The following ARHGAP20 variants were observed in gnomAD, a reference collection of about 807,000 sequenced individuals.
The protein encoded by ARHGAP20 is rho GTPase-activating protein 20.
ARHGAP20 carries 34 observed loss-of-function variants against 73.7 expected under a neutral mutation model. The ratio of observed to expected loss-of-function variants is 0.46; its 90% CI spans 0.35 to 0.61. ARHGAP20 has a LOEUF of 0.61. Ranked by LOEUF, ARHGAP20 falls within the 20% of genes least tolerant of loss-of-function variation. ARHGAP20 has a pLI of 0.00. For synonymous variants in ARHGAP20, 523 were observed against 518.2 expected (o/e 1.01, Z -0.13); for missense variants, 1,314 against 1,420.9 (o/e 0.92, Z 1.21).
chr11:110,688,017 A>T (rs1246616532), intron 2 of ARHGAP20, among the ~76,000 whole-genome samples: 1 of 152,220 alleles, frequency 6.6e-6, no homozygotes, highest in Admixed American at 6.5e-5. Context: ...ATTCATTGAA[A>T]TGTATAAAAA....
chr11:110,605,141 A>T (rs912258870), intron 9 of ARHGAP20, among the ~76,000 whole-genome samples: 71 of 152,332 alleles, frequency 4.7e-4, no homozygotes, highest in Middle Eastern at 3.4e-3. Flanking sequence ...GATGATCACG[A>T]TAACCATGGA....
chr11:110,712,418 C>A lies in ARHGAP20; in HGVS notation c.-187G>T, dbSNP rs901270913. 37 of 305,706 alleles carry A rather than the reference C, an allele frequency of 1.2e-4. No individual in the cohort carries two copies. Among genetic ancestry groups the A allele is most frequent in the Admixed American group, 3.2e-4 (6 of 18,576 alleles). 18.9% of individuals were successfully genotyped at this position (305,706 alleles called of 1,614,324 possible). A position where few individuals can be genotyped will look rare whatever the true frequency, so the allele number is the denominator to read the frequency against. On this transcript the variant is annotated 5_prime_UTR_variant, in exon 1 of 15. Coordinates refer to ENST00000683387, the MANE Select transcript of ARHGAP20 (RefSeq NM_001384657.1). ...ATGTACCTCCGCCTGCGCTCGACAC[C>A]GCGGGCTGGAGGCGAGTGCAGCGGC...
intron 2 of ARHGAP20, among the ~76,000 whole-genome samples, chr11:110,658,543 A>T (rs1254974522): frequency 6.6e-6 from 1 of 152,238 alleles, no homozygotes; most frequent in Non-Finnish European, 1.5e-5. Context: ...CCTGACAAGT[A>T]GGAAAAACTA....
chr11:110,712,045 T>C (rs1161271290), intron 1 of ARHGAP20, 82 bp downstream of exon 1: 16 of 1,247,542 alleles, frequency 1.3e-5, no homozygotes, highest in African/African-American at 1.6e-5. Context: ...CCTAGCGCGC[T>C]GCTGTGGCGG....
intron 2 of ARHGAP20, among the ~76,000 whole-genome samples, chr11:110,658,620 C>T (rs1243502999): frequency 6.6e-6 from 1 of 152,112 alleles, no homozygotes; most frequent in East Asian, 1.9e-4. Context: ...TAGGCTAAAA[C>T]ATCATTCTTA....
intron 4 of ARHGAP20, among the ~76,000 whole-genome samples, chr11:110,619,754 T>C (rs1375441851): frequency 6.6e-6 from 1 of 151,892 alleles, no homozygotes. Context: ...TGATAGAGTA[T>C]ATGTAGTGAT....
Position 110,578,855 on chromosome 11 carries a change from C to T in ARHGAP20, c.*515G>A. 2 of 985,816 alleles carry T rather than the reference C, an allele frequency of 2.0e-6. No homozygotes were observed. The highest frequency in any genetic ancestry group is 2.4e-6 in the Non-Finnish European group (2 of 830,014). The allele number at this position is 985,816 out of a possible 1,614,324, so 61.1% of individuals were successfully genotyped here. A position where few individuals can be genotyped will look rare whatever the true frequency, so the allele number is the denominator to read the frequency against. The stretch of plus-strand genomic sequence containing the variant: ...AAGATCCCACAAAAATGGCCACTGG[C>T]TTAGATTTAGGGAAAGATTTTATAT... On this transcript the variant is annotated 3_prime_UTR_variant, in exon 15 of 15. Transcript: ENST00000683387.
At chr11:110,583,088 C>T (rs1337885405) in intron 13 of ARHGAP20, among the ~76,000 whole-genome samples, 1 of 152,180 alleles carries the variant, frequency 6.6e-6, no homozygotes, top group Non-Finnish European at 1.5e-5. Flanking sequence ...ACTGATATCC[C>T]CACACCCCTT....
Position 110,577,361 on chromosome 11 carries a change from T to TACAGGAGTATC in ARHGAP20, c.*1998_*2008dup. On this transcript the variant is annotated 3_prime_UTR_variant, in exon 15 of 15. Transcript: ENST00000683387. Reference sequence around the variant, plus strand: ...TTAACAAACTATTCACATTAAGAATTACAGGAGTATCTAAGGGAACACAGA... The same window carrying TACAGGAGTATC: ...TTAACAAACTATTCACATTAAGAATTACAGGAGTATCACAGGAGTATCTAAGGGAACACAGA... 3.3e-6 allele frequency: 4 copies of TACAGGAGTATC among 1,223,892 alleles called. No individual in the cohort carries two copies. The highest frequency in any genetic ancestry group is 4.1e-6 in the Non-Finnish European group (4 of 982,082). The allele number at this position is 1,223,892 out of a possible 1,614,324, so 75.8% of individuals were successfully genotyped here.
intron 3 of ARHGAP20, among the ~76,000 whole-genome samples, chr11:110,628,550 A>G (rs1948795145): frequency 6.6e-6 from 1 of 152,168 alleles, no homozygotes; most frequent in Non-Finnish European, 1.5e-5. Context: ...ATCATCTCAA[A>G]TATCTATGTT....
intron 2 of ARHGAP20, among the ~76,000 whole-genome samples, chr11:110,681,246 C>T (rs1303893955): frequency 1.3e-5 from 2 of 152,102 alleles, no homozygotes; most frequent in Non-Finnish European, 2.9e-5. Flanking sequence ...TTGAAAAGGT[C>T]TTAAAGATTT....
chr11:110,690,666 C>T (rs1950225464), intron 1 of ARHGAP20, 37 bp from the exon 2 acceptor site: 1 of 1,579,844 alleles, frequency 6.3e-7, no homozygotes, highest in Admixed American at 1.7e-5. Context: ...GACCACATGG[C>T]TTGTAAGGCA....
In ARHGAP20 at chr11:110,592,868, T is replaced by C. The variant is rs543245326; in HGVS notation, c.965-713A>G. On this transcript the variant is annotated intron_variant, in intron 9 of 14. Transcript: ENST00000683387. The stretch of plus-strand genomic sequence containing the variant: ...TATGTTTCTTTTCAGTTCTTGACTT[T>C]AAAGTATGTTTAAGGAAGCATGGAT... 2.6e-5 allele frequency among the ~76,000 whole-genome samples: 4 copies of C among 152,340 alleles called. No individual in the cohort carries two copies. The South Asian group carries it at 8.3e-4, about 32-fold the overall frequency.
intron 2 of ARHGAP20, among the ~76,000 whole-genome samples, chr11:110,657,920 G>GGGGA (rs1320774558): frequency 7.5e-6 from 1 of 134,054 alleles, no homozygotes; most frequent in East Asian, 2.2e-4. Context: ...AAAAGAGAGA[G>GGGGA]AGGAAGGAAG....
At chr11:110,669,087 A>C (rs1949779413) in intron 2 of ARHGAP20, among the ~76,000 whole-genome samples, 1 of 152,206 alleles carries the variant, frequency 6.6e-6, no homozygotes, top group Non-Finnish European at 1.5e-5. Flanking sequence ...ACACAGAATG[A>C]ACAAACTCAA....
chr11:110,645,365 A>T (rs1381856074), intron 2 of ARHGAP20, among the ~76,000 whole-genome samples: 2 of 152,112 alleles, frequency 1.3e-5, no homozygotes, highest in African/African-American at 4.8e-5. Flanking sequence ...TATTTTTTAA[A>T]ATGCTCATCA....
In ARHGAP20 at chr11:110,688,095, G is replaced by A. The variant is rs188770272; in HGVS notation, c.188+2452C>T. Among the ~76,000 whole-genome samples the A allele has an allele frequency of 3.7e-3, 568 of 152,094 alleles. 1 individual carries two copies. Among genetic ancestry groups the A allele is most frequent in the Non-Finnish European group, 6.1e-3 (412 of 67,984 alleles). On this transcript the variant is annotated intron_variant, in intron 2 of 14. Coordinates refer to ENST00000683387, the MANE Select transcript of ARHGAP20 (RefSeq NM_001384657.1). Reference sequence around the variant, plus strand: ...TTATATAAAGATATTTTCCCCCTTCGTGCATATGTTATATAGGGGACTTTC... The same window carrying A: ...TTATATAAAGATATTTTCCCCCTTCATGCATATGTTATATAGGGGACTTTC...
At chr11:110,657,937 AG>A in intron 2 of ARHGAP20, among the ~76,000 whole-genome samples, 1 of 149,962 alleles carries the variant, frequency 6.7e-6, no homozygotes, top group East Asian at 2.0e-4. Context: ...GAAGGAAGGA[AG>A]GAAGGAAGGA....
chr11:110,608,095 G>A (rs559816592), intron 8 of ARHGAP20, among the ~76,000 whole-genome samples: 3 of 152,158 alleles, frequency 2.0e-5, no homozygotes, highest in Non-Finnish European at 2.9e-5. Flanking sequence ...AGATTACTAA[G>A]GTCACTTGAA....
Sources: allele counts gnomAD v4.1 joint callset (sites outside exome capture counted in the v4.1 genomes callset), GRCh38; gene constraint gnomAD v4.1.1; transcripts MANE v1.5; gene names NCBI Gene and HGNC (gene_info 2026-07-23, HGNC 2026-07-21).